ICOS: variants seen among roughly 807,000 people sequenced by gnomAD.
ICOS encodes inducible T-cell costimulator.
ICOS carries 15 observed loss-of-function variants against 24.6 expected under a neutral mutation model. The ratio of observed to expected loss-of-function variants is 0.61; its 90% CI spans 0.41 to 0.94. ICOS has a LOEUF of 0.94. Among genes scored for constraint, ICOS ranks in the 40% least tolerant of loss-of-function variants. The pLI is 0.00. For missense variants in ICOS, 200 were observed against 233.0 expected (o/e 0.86, Z 0.92); for synonymous variants, 89 against 77.5 (o/e 1.15, Z -0.78).
chr2:203,956,737 G>A lies in ICOS; in HGVS notation c.473G>A (p.Cys158Tyr). 6.2e-7 allele frequency: 1 copy of A among 1,612,448 alleles called. No individual in the cohort carries two copies. The highest frequency in any genetic ancestry group is 8.5e-7 in the Non-Finnish European group (1 of 1,178,612). The change falls in exon 3 of 5, where the codon TGC becomes TAC. Residue 158 changes from cysteine to tyrosine, a missense_variant. Coordinates refer to ENST00000316386, the MANE Select transcript of ICOS (RefSeq NM_012092.4). Reference sequence around the variant, plus strand: ...TTTGTTGTAGTCTGCATTTTGGGATGCATACTTATTTGTTGGCTTACAAAA... The same window carrying A: ...TTTGTTGTAGTCTGCATTTTGGGATACATACTTATTTGTTGGCTTACAAAA... The part of the protein sequence containing the change: ...AAFVVVCILG[C>Y]ILICWLTKKK...
At chr2:203,945,495 T>A (rs374778470) in intron 1 of ICOS, among the ~76,000 whole-genome samples, 1 of 152,136 alleles carries the variant, frequency 6.6e-6, no homozygotes, top group Non-Finnish European at 1.5e-5. Flanking sequence ...GTGTCCTTAG[T>A]GATTTTGTTG....
chr2:203,945,449 C>T lies in ICOS; in HGVS notation c.58+8577C>T, dbSNP rs542303468. ...TGGATTTGGTGAATGAATACAGTCA[C>T]GTGCCACTTGACGATGGGAATACAT... On this transcript the variant is annotated intron_variant, in intron 1 of 4. Coordinates refer to ENST00000316386, the MANE Select transcript of ICOS (RefSeq NM_012092.4). Among the ~76,000 whole-genome samples the T allele has an allele frequency of 2.2e-4, 34 of 152,266 alleles. 1 individual carries two copies. The South Asian group carries it at 6.2e-3, about 28-fold the overall frequency.
At chr2:203,938,577 T>C (rs755737103) in intron 1 of ICOS, among the ~76,000 whole-genome samples, 1 of 152,194 alleles carries the variant, frequency 6.6e-6, no homozygotes, top group Non-Finnish European at 1.5e-5. Context: ...TCCAAGAACG[T>C]TGGTACCATT....
In ICOS at chr2:203,959,901, T is replaced by C. The variant is rs1581608616; in HGVS notation, c.*302T>C. The C allele has an allele frequency of 2.0e-6, 1 of 502,736 alleles. No individual in the cohort carries two copies. The highest frequency in any genetic ancestry group is 3.6e-6 in the Non-Finnish European group (1 of 275,888). 31.1% of individuals were successfully genotyped at this position (502,736 alleles called of 1,614,324 possible). A position where few individuals can be genotyped will look rare whatever the true frequency, so the allele number is the denominator to read the frequency against. On this transcript the variant is annotated 3_prime_UTR_variant, in exon 5 of 5. Transcript: ENST00000316386. ...CTCCACATCTGCTCCTAGCAGTGCATCAGCCAGTAAAACAAACACATTTAC... is the reference window on the plus strand; with the variant it reads ...CTCCACATCTGCTCCTAGCAGTGCACCAGCCAGTAAAACAAACACATTTAC...
chr2:203,955,857 T>G lies in ICOS; in HGVS notation c.280T>G (p.Phe94Val). ...HSQLSNNSVS[F>V]FLYNLDHSHA... is the part of the protein sequence containing the mutation. Reference sequence around the variant, plus strand: ...TCAGTTATCCAACAACAGTGTCTCTTTTTTTCTATACAACTTGGACCATTC... The same window carrying G: ...TCAGTTATCCAACAACAGTGTCTCTGTTTTTCTATACAACTTGGACCATTC... Residue 94 changes from phenylalanine (F) to valine (V), a missense_variant, in exon 2 of 5, where the codon TTT becomes GTT. Coordinates refer to ENST00000316386, the MANE Select transcript of ICOS (RefSeq NM_012092.4). 1 of 1,613,804 alleles carries G rather than the reference T, an allele frequency of 6.2e-7. No individual in the cohort carries two copies. Among genetic ancestry groups the G allele is most frequent in the Non-Finnish European group, 8.5e-7 (1 of 1,179,776 alleles).
chr2:203,957,601 G>C (rs1235748437), intron 3 of ICOS, among the ~76,000 whole-genome samples, 198 bp from the exon 4 acceptor site: 1 of 152,146 alleles, frequency 6.6e-6, no homozygotes, highest in African/African-American at 2.4e-5. Flanking sequence ...GCAAAAACGA[G>C]GAAGAAAGTT....
intron 1 of ICOS, among the ~76,000 whole-genome samples, chr2:203,946,403 C>T (rs1489537457): frequency 1.3e-5 from 1 of 74,828 alleles, no homozygotes; most frequent in Non-Finnish European, 2.5e-5. Flanking sequence ...CACTTTTCTT[C>T]TTCCCATTTT....
intron 1 of ICOS, among the ~76,000 whole-genome samples, chr2:203,947,966 C>T (rs1215585626): frequency 6.6e-6 from 1 of 152,088 alleles, no homozygotes; most frequent in East Asian, 1.9e-4. Context: ...GGGTTCTTGT[C>T]CTGGTCATAT....
In ICOS at chr2:203,955,714, A is replaced by G; in HGVS notation, c.137A>G (p.Asp46Gly). Residue 46 changes from aspartate to glycine, a missense_variant, in exon 2 of 5, where the codon GAC becomes GGC. Coordinates refer to ENST00000316386, the MANE Select transcript of ICOS (RefSeq NM_012092.4). The part of the protein sequence containing the change: ...GGVQILCKYP[D>G]IVQQFKMQLL... The stretch of plus-strand genomic sequence containing the variant: ...GTACAAATTTTATGCAAATATCCTG[A>G]CATTGTCCAGCAATTTAAAATGCAG... 1 of 1,613,690 alleles carries G rather than the reference A, an allele frequency of 6.2e-7. No individual in the cohort carries two copies. The highest frequency in any genetic ancestry group is 8.5e-7 in the Non-Finnish European group (1 of 1,179,658).
In ICOS at chr2:203,936,978, T is replaced by C. The variant is rs1200813416; in HGVS notation, c.58+106T>C. The C allele has an allele frequency of 3.7e-6, 3 of 814,900 alleles. No homozygotes were observed. In the African/African-American group the frequency reaches 5.1e-5, roughly 14 times the overall value. The allele number at this position is 814,900 out of a possible 1,614,324, so 50.5% of individuals were successfully genotyped here. ...ACCCAAAAGACAGTGGTTTTGGTTT[T>C]TGAAAGTAGGAATAGTTTCAGGATA... On this transcript the variant is annotated intron_variant, in intron 1 of 4. Coordinates refer to ENST00000316386, the MANE Select transcript of ICOS (RefSeq NM_012092.4).
chr2:203,949,714 G>T (rs1325281757), intron 1 of ICOS, among the ~76,000 whole-genome samples: 1 of 152,162 alleles, frequency 6.6e-6, no homozygotes, highest in African/African-American at 2.4e-5. Flanking sequence ...TGAGAAAAAG[G>T]AAGAAAGAAC....
At chr2:203,956,902 T>C in intron 3 of ICOS, 137 bp downstream of exon 3, 1 of 675,354 alleles carries the variant, frequency 1.5e-6, no homozygotes, top group Non-Finnish European at 2.7e-6. Context: ...AAGACATACC[T>C]ACTAATTAAA....
At chr2:203,944,269 G>T (rs921145404) in intron 1 of ICOS, among the ~76,000 whole-genome samples, 8 of 152,164 alleles carry the variant, frequency 5.3e-5, no homozygotes, top group African/African-American at 1.7e-4. Flanking sequence ...TCCCTGTGGT[G>T]CCTGGCAAGA....
intron 1 of ICOS, among the ~76,000 whole-genome samples, chr2:203,953,001 T>G (rs1261062787): frequency 6.6e-6 from 1 of 152,196 alleles, no homozygotes; most frequent in African/African-American, 2.4e-5. Flanking sequence ...ATTTTTACTT[T>G]CAAAAGCTGA....
At chr2:203,957,959 TTAA>T in intron 4 of ICOS, 76 bp downstream of exon 4, 3 of 930,072 alleles carry the variant, frequency 3.2e-6, no homozygotes, top group Non-Finnish European at 5.1e-6. Flanking sequence ...TTTTTTTTTT[TTAA>T]TTTTAAAGGA....
intron 1 of ICOS, among the ~76,000 whole-genome samples, chr2:203,939,220 T>G (rs1233587931): frequency 6.6e-6 from 1 of 152,192 alleles, no homozygotes; most frequent in Non-Finnish European, 1.5e-5. Context: ...TTCTAAACTG[T>G]GTTGAAGTAG....
At chr2:203,955,601 G>A in intron 1 of ICOS, 35 bp from the exon 2 acceptor site, 1 of 1,514,084 alleles carries the variant, frequency 6.6e-7, no homozygotes, top group Non-Finnish European at 9.2e-7. Flanking sequence ...ATTATAAAAT[G>A]TCACTTTTGC....
Position 203,936,950 on chromosome 2 carries a change from C to T in ICOS, c.58+78C>T, listed in dbSNP as rs190494617. ...AGAAAAAGCAAAGGTAGAAAAATTA[C>T]GCACCCAAAAGACAGTGGTTTTGGT... On this transcript the variant is annotated intron_variant, in intron 1 of 4. Transcript: ENST00000316386. 1.8e-4 allele frequency: 201 copies of T among 1,108,468 alleles called. 1 individual carries two copies. The highest frequency in any genetic ancestry group is 1.4e-3 in the East Asian group (57 of 41,622). 68.7% of individuals were successfully genotyped at this position (1,108,468 alleles called of 1,614,324 possible).
chr2:203,939,304 T>A (rs1025185609), intron 1 of ICOS, among the ~76,000 whole-genome samples: 2 of 152,166 alleles, frequency 1.3e-5, no homozygotes, highest in Admixed American at 1.3e-4. Context: ...GGTTGTGAAT[T>A]AAGAAGGATG....
Sources: allele counts gnomAD v4.1 joint callset (sites outside exome capture counted in the v4.1 genomes callset), GRCh38; gene constraint gnomAD v4.1.1; transcripts MANE v1.5; gene names NCBI Gene and HGNC (gene_info 2026-07-23, HGNC 2026-07-21).